TDRD9: variants seen among roughly 807,000 people sequenced by gnomAD.
TDRD9 encodes the protein ATP-dependent RNA helicase TDRD9.
In TDRD9, 124 loss-of-function variants were observed where a neutral mutation model predicts 172.6. That is an observed-to-expected ratio of 0.72 (90% CI 0.62 to 0.83). The LOEUF (loss-of-function observed/expected upper bound fraction) is 0.83, where lower values mean the gene tolerates loss of function less well. Ranked by LOEUF, TDRD9 falls within the 40% of genes least tolerant of loss-of-function variation. The pLI is 0.00. For synonymous variants in TDRD9, 619 were observed against 617.1 expected (o/e 1.00, Z -0.05); for missense variants, 1,479 against 1,714.1 (o/e 0.86, Z 2.42).
rs147205456 is a variant in TDRD9 at position 104,035,047 on chromosome 14, T to C, written c.3707T>C (p.Ile1236Thr). 145 of 1,551,148 alleles carry C rather than the reference T, an allele frequency of 9.3e-5. No individual in the cohort carries two copies. Among genetic ancestry groups the C allele is most frequent in the Non-Finnish European group, 1.2e-4 (139 of 1,146,538 alleles). Residue 1236 changes from isoleucine to threonine, a missense_variant, in exon 32 of 36, where the codon ATA becomes ACA. Coordinates refer to ENST00000409874, the MANE Select transcript of TDRD9 (RefSeq NM_153046.3). ...CTCAGCATGTTATTCGCACCGGTGA[T>C]AGAGTTAAGGTACGGGCATCCCTCT... is the stretch of plus-strand genomic sequence containing the variant. ...ALLSMLFAPV[I>T]ELRIDQNGKY...
chr14:103,991,475 C>T (rs374692104), intron 9 of TDRD9, among the ~76,000 whole-genome samples: 12 of 151,892 alleles, frequency 7.9e-5, no homozygotes, highest in South Asian at 2.1e-4. Context: ...TGCAGTGGCA[C>T]GATCTTGGCT....
intron 1 of TDRD9, among the ~76,000 whole-genome samples, chr14:103,952,077 A>G (rs2031905459): frequency 6.7e-6 from 1 of 149,136 alleles, no homozygotes; most frequent in African/African-American, 2.5e-5. Flanking sequence ...CATAAAAGGA[A>G]ATATTTTTTA....
intron 9 of TDRD9, among the ~76,000 whole-genome samples, chr14:103,991,903 A>G (rs1043465574): frequency 2.6e-5 from 4 of 152,098 alleles, no homozygotes; most frequent in African/African-American, 9.7e-5. Flanking sequence ...GATTACAGAC[A>G]CGCGCCACCA....
Position 103,999,677 on chromosome 14 carries a change from TCAA to T in TDRD9, c.1483+950_1483+952del, listed in dbSNP as rs2034192753. ...TGGGAAGGGTAGATAAAAGACCATT[TCAA>T]GAATACTAAAATACTAAATACACCC... On this transcript the variant is annotated intron_variant, in intron 13 of 35. Transcript: ENST00000409874. Among the ~76,000 whole-genome samples the T allele has an allele frequency of 1.7e-5, 2 of 114,850 alleles. 1 individual carries two copies. The highest frequency in any genetic ancestry group is 6.8e-5 in the African/African-American group (2 of 29,508). 75.3% of individuals were successfully genotyped at this position (114,850 alleles called of 152,430 possible).
chr14:104,042,676 A>G (rs2035643420), intron 34 of TDRD9, among the ~76,000 whole-genome samples: 1 of 152,220 alleles, frequency 6.6e-6, no homozygotes, highest in African/African-American at 2.4e-5. Context: ...AGCCCAAGGC[A>G]GCTTGAGGGC....
intron 7 of TDRD9, among the ~76,000 whole-genome samples, chr14:103,981,906 A>C (rs76236134): frequency 0.018 from 2,700 of 152,288 alleles, 79 homozygotes; most frequent in African/African-American, 0.062. Flanking sequence ...GTTGTTTTGT[A>C]TAGATCCTAT....
rs1041598978 is a variant in TDRD9, at chr14:103,975,431, G to C, written c.889G>C (p.Asp297His). ...TACCATCAGCTGTAAAGAGTTTGCA[G>C]ACTACTTTGCTGTTCCTGTTCAAAA... ...SATISCKEFADYFAVPVQNKM... is the reference protein window; with the variant it reads ...SATISCKEFAHYFAVPVQNKM... The change falls in exon 7 of 36, where the codon GAC becomes CAC. Residue 297 changes from aspartate (D) to histidine (H), a missense_variant. Physicochemically the swap from Asp to His is moderately conservative, Grantham distance 81. This residue lies in a region of TDRD9 where 1,413 missense variants were observed against 1,649.1 expected (regional missense o/e 0.86). Transcript: ENST00000409874. 2.5e-6 allele frequency: 4 copies of C among 1,613,850 alleles called. No individual in the cohort carries two copies. In the African/African-American group the frequency reaches 5.3e-5, roughly 22 times the overall value.
intron 1 of TDRD9, chr14:103,945,493 G>A (rs993435163): frequency 2.0e-5 from 3 of 152,206 alleles, no homozygotes; most frequent in Non-Finnish European, 2.9e-5. Context: ...CTACTGCTGT[G>A]TAGATAGAGA....
intron 1 of TDRD9, among the ~76,000 whole-genome samples, chr14:103,936,512 A>G (rs78200371): frequency 0.023 from 3,483 of 152,274 alleles, 79 homozygotes; most frequent in East Asian, 0.071. Context: ...TTACTCCTCA[A>G]GCCATGGTGG....
In TDRD9 at chr14:103,980,507, A is replaced by C. The variant is rs2033430416; in HGVS notation, c.1011+4954A>C. Reference sequence around the variant, plus strand: ...CACTAACTTGCCACTGCTATCTAAAAGGCAGAGCCAGGTGTACAGGATGGA... The same window carrying C: ...CACTAACTTGCCACTGCTATCTAAACGGCAGAGCCAGGTGTACAGGATGGA... On this transcript the variant is annotated intron_variant, in intron 7 of 35. Transcript: ENST00000409874. The surrounding 1 kb of genome is among the most constrained non-coding windows in gnomAD (Gnocchi z 4.5). 1.3e-5 allele frequency among the ~76,000 whole-genome samples: 2 copies of C among 152,232 alleles called. No homozygotes were observed. Among genetic ancestry groups the C allele is most frequent in the South Asian group, 4.1e-4 (2 of 4,838 alleles).
chr14:103,959,328 A>C (rs74390269), intron 2 of TDRD9, among the ~76,000 whole-genome samples: 1 of 152,010 alleles, frequency 6.6e-6, no homozygotes, highest in African/African-American at 2.4e-5. Flanking sequence ...GAACTCCTAG[A>C]CTCAAGTGAT....
chr14:103,943,162 G>T (rs923699873), intron 1 of TDRD9, among the ~76,000 whole-genome samples: 4 of 151,160 alleles, frequency 2.6e-5, no homozygotes, highest in Non-Finnish European at 4.4e-5. Flanking sequence ...ACAGAGTCAC[G>T]TTGTGTCACC....
intron 7 of TDRD9, among the ~76,000 whole-genome samples, chr14:103,977,516 A>AG (rs2033296828): frequency 6.0e-5 from 9 of 150,628 alleles, no homozygotes; most frequent in African/African-American, 1.5e-4. Context: ...AAAAAAAAAA[A>AG]AAAAAAATTG....
chr14:103,938,427 TA>T (rs2030929330), intron 1 of TDRD9, among the ~76,000 whole-genome samples: 1 of 56,282 alleles, frequency 1.8e-5, no homozygotes, highest in African/African-American at 6.8e-5. Flanking sequence ...TATATATATA[TA>T]TATATATATA....
intron 1 of TDRD9, among the ~76,000 whole-genome samples, chr14:103,944,976 A>G (rs2031481885): frequency 6.6e-6 from 1 of 152,216 alleles, no homozygotes; most frequent in Non-Finnish European, 1.5e-5. Flanking sequence ...CAGGGCCTGA[A>G]TAGTTAGGGG....
At chr14:103,940,057 A>G (rs928662641) in intron 1 of TDRD9, among the ~76,000 whole-genome samples, 26 of 152,256 alleles carry the variant, frequency 1.7e-4, no homozygotes, top group African/African-American at 6.0e-4. Context: ...ACTAATGTAT[A>G]ATTTCCTACT....
intron 20 of TDRD9, among the ~76,000 whole-genome samples, chr14:104,010,868 C>T (rs2034592550): frequency 6.6e-6 from 1 of 152,170 alleles, no homozygotes; most frequent in Non-Finnish European, 1.5e-5. Flanking sequence ...ATTTTTGATC[C>T]ACATTTGGTT....
At chr14:103,947,773 TAGGGGAAAACTG>T (rs1243959117) in intron 1 of TDRD9, among the ~76,000 whole-genome samples, 1 of 152,144 alleles carries the variant, frequency 6.6e-6, no homozygotes, top group Admixed American at 6.6e-5. Flanking sequence ...GCAAAACCCT[TAGGGGAAAACTG>T]AGGGCACAAA....
intron 1 of TDRD9, chr14:103,941,566 ATCTC>A (rs910458152): frequency 6.5e-7 from 1 of 1,534,940 alleles, no homozygotes; most frequent in Non-Finnish European, 8.7e-7. Flanking sequence ...TCTTGTATTA[ATCTC>A]TCTCGCTCCT....
Sources: allele counts gnomAD v4.1 joint callset (sites outside exome capture counted in the v4.1 genomes callset), GRCh38; gene constraint gnomAD v4.1.1; regional missense constraint gnomAD v4.1.1; non-coding constraint Gnocchi (gnomAD v3.1); transcripts MANE v1.5; gene names NCBI Gene and HGNC (gene_info 2026-07-23, HGNC 2026-07-21).